Variants in OLFM2 observed in about 807,000 individuals in gnomAD.
OLFM2 encodes olfactomedin 2, also known as noelin-2.
A neutral mutation model predicts 43.9 loss-of-function variants in OLFM2; 20 were observed. That is an observed-to-expected ratio of 0.46 (90% CI 0.32 to 0.66). The LOEUF is 0.66. OLFM2 is among the 30% of genes least tolerant of loss of function. The probability of loss-of-function intolerance (pLI) is 0.04; values close to 1 mark genes in which losing one functional copy is unlikely to be tolerated. For synonymous variants in OLFM2, 268 were observed against 278.6 expected (o/e 0.96, Z 0.38); for missense variants, 416 against 643.6 (o/e 0.65, Z 3.83).
At chr19:9,918,427 G>A (rs1448651662) in intron 1 of OLFM2, among the ~76,000 whole-genome samples, 1 of 150,818 alleles carries the variant, frequency 6.6e-6, no homozygotes, top group African/African-American at 2.4e-5. Flanking sequence ...CTTGGGCTCA[G>A]GCAATCCACC....
Position 9,883,534 on chromosome 19 carries a change from G to A in OLFM2, c.64-22740C>T, listed in dbSNP as rs775478302. Among the ~76,000 whole-genome samples the A allele has an allele frequency of 3.9e-5, 6 of 152,202 alleles. No individual in the cohort carries two copies. The South Asian group carries it at 6.2e-4, about 16-fold the overall frequency. ...GCAGCTGCTCCCAGTCAAAGCTGCC[G>A]GAGAGAGGCCCGTGGCCCCCCAGCT... On this transcript the variant is annotated intron_variant, in intron 1 of 5. Coordinates refer to ENST00000264833, the MANE Select transcript of OLFM2 (RefSeq NM_058164.4).
intron 1 of OLFM2, among the ~76,000 whole-genome samples, chr19:9,925,216 C>T (rs1203631305): frequency 6.6e-6 from 1 of 152,046 alleles, no homozygotes; most frequent in Non-Finnish European, 1.5e-5. Context: ...TAGATCACAC[C>T]ACCGCACTCT....
chr19:9,927,333 C>T (rs958509157), intron 1 of OLFM2, among the ~76,000 whole-genome samples: 1 of 151,984 alleles, frequency 6.6e-6, no homozygotes, highest in Non-Finnish European at 1.5e-5. Flanking sequence ...ATCCTTAACC[C>T]AGCTTTCGAA....
intron 1 of OLFM2, among the ~76,000 whole-genome samples, chr19:9,878,086 A>G (rs1378303984): frequency 6.6e-6 from 1 of 152,146 alleles, no homozygotes; most frequent in Non-Finnish European, 1.5e-5. Context: ...CCTGGGCTCA[A>G]GCAACCCTTC....
At chr19:9,881,969 C>T (rs968125523) in intron 1 of OLFM2, among the ~76,000 whole-genome samples, 7 of 152,068 alleles carry the variant, frequency 4.6e-5, no homozygotes, top group African/African-American at 1.7e-4. Flanking sequence ...TGGTGGCTCA[C>T]GCCTATAATC....
At chr19:9,925,289 T>G (rs1254424625) in intron 1 of OLFM2, among the ~76,000 whole-genome samples, 2 of 152,056 alleles carry the variant, frequency 1.3e-5, no homozygotes, top group Non-Finnish European at 2.9e-5. Context: ...TATATATTAT[T>G]CAGTTGACAA....
At chr19:9,888,008 G>A (rs2046603119) in intron 1 of OLFM2, among the ~76,000 whole-genome samples, 1 of 151,866 alleles carries the variant, frequency 6.6e-6, no homozygotes, top group Non-Finnish European at 1.5e-5. Flanking sequence ...TCAAAGTAGA[G>A]TTCTCCCCAA....
chr19:9,859,942 G>A (rs966974046), intron 2 of OLFM2, among the ~76,000 whole-genome samples: 2 of 152,156 alleles, frequency 1.3e-5, no homozygotes, highest in African/African-American at 4.8e-5. Context: ...AGGAGTTCAA[G>A]ACCAGCATGA....
rs533259014 is a variant in OLFM2 at position 9,925,998 on chromosome 19, G to A, written c.63+10306C>T. On this transcript the variant is annotated intron_variant, in intron 1 of 5. Transcript: ENST00000264833. Reference sequence around the variant, plus strand: ...GAAAAAATTTAAGAATTAGCCAGCCGTGGTGGCATGCACCTGTAGTCCCAG... The same window carrying A: ...GAAAAAATTTAAGAATTAGCCAGCCATGGTGGCATGCACCTGTAGTCCCAG... Among the ~76,000 whole-genome samples, 15 of 151,896 alleles carry A rather than the reference G, an allele frequency of 9.9e-5. No individual in the cohort carries two copies. The South Asian group carries it at 1.9e-3, about 19-fold the overall frequency.
chr19:9,936,254 C>G (rs758109400), intron 1 of OLFM2, 50 bp downstream of exon 1: 128 of 1,521,986 alleles, frequency 8.4e-5, no homozygotes, highest in South Asian at 5.1e-4. Flanking sequence ...TCCGCGCCCC[C>G]CTCCTCTCCC....
rs34631855 is a variant in OLFM2 at position 9,856,753 on chromosome 19, C to T, written c.687+54G>A. 0.056 allele frequency: 81,678 copies of T among 1,461,562 alleles called. 2,699 individuals carry two copies. The highest frequency in any genetic ancestry group is 0.064 in the Non-Finnish European group (68,008 of 1,054,934). The allele number at this position is 1,461,562 out of a possible 1,614,324, so 90.5% of individuals were successfully genotyped here. On this transcript the variant is annotated intron_variant, in intron 5 of 5. Transcript: ENST00000264833. This position sits in a 1 kb window ranked among gnomAD's most constrained non-coding sequence, Gnocchi z 4.0. ...GACTCCCTAGGCACCTATGGGCAGT[C>T]AAAGGCTCTGTCCCTCCCAGGCCCT...
chr19:9,900,984 AAGGAAGGGAGGGAGGG>A (rs2046729152), intron 1 of OLFM2, among the ~76,000 whole-genome samples: 1 of 31,966 alleles, frequency 3.1e-5, no homozygotes, highest in African/African-American at 2.8e-4. Flanking sequence ...GGAAGGAAGG[AAGGAAGGGAGGGAGGG>A]GGGAGGGAGG....
intron 1 of OLFM2, among the ~76,000 whole-genome samples, chr19:9,907,717 A>G (rs1264768838): frequency 6.6e-6 from 1 of 151,862 alleles, no homozygotes; most frequent in Non-Finnish European, 1.5e-5. Flanking sequence ...AAAGAGACAG[A>G]TATAGGCCGG....
At chr19:9,899,833 A>C (rs2046715727) in intron 1 of OLFM2, among the ~76,000 whole-genome samples, 1 of 151,546 alleles carries the variant, frequency 6.6e-6, no homozygotes, top group Non-Finnish European at 1.5e-5. Context: ...GATTACATAT[A>C]TATGTGAGCC....
At position 9,856,575 on chromosome 19, in the gene OLFM2, G is replaced by A. The variant is rs886155722; in HGVS notation, c.687+232C>T. 2.0e-5 allele frequency among the ~76,000 whole-genome samples: 3 copies of A among 152,256 alleles called. No individual in the cohort carries two copies. Among genetic ancestry groups the A allele is most frequent in the Non-Finnish European group, 4.4e-5 (3 of 68,038 alleles). On this transcript the variant is annotated intron_variant, in intron 5 of 5. Coordinates refer to ENST00000264833, the MANE Select transcript of OLFM2 (RefSeq NM_058164.4). The surrounding 1 kb of genome is among the most constrained non-coding windows in gnomAD (Gnocchi z 4.0). ...CCTGAGAACTGGTCAGTAGAACTCA[G>A]TAACCATTAGCCACTATACAGACAC...
At chr19:9,913,983 G>A (rs1286557446) in intron 1 of OLFM2, 4 of 64,076 alleles carry the variant, frequency 6.2e-5, no homozygotes, top group Non-Finnish European at 1.2e-4. Context: ...GCCCCCCGCC[G>A]AGGACCTCTC....
chr19:9,913,448 C>T (rs1217837398), intron 1 of OLFM2: 3 of 1,034,938 alleles, frequency 2.9e-6, no homozygotes, highest in Non-Finnish European at 2.3e-6. Flanking sequence ...GGTACCACGC[C>T]CCCCGGGAGC....
chr19:9,854,637 G>A lies in OLFM2; in HGVS notation c.914C>T (p.Pro305Leu), dbSNP rs372605346. 27 of 1,614,032 alleles carry A rather than the reference G, an allele frequency of 1.7e-5. No individual in the cohort carries two copies. The highest frequency in any genetic ancestry group is 3.3e-5 in the Admixed American group (2 of 60,000). Residue 305 changes from proline (P) to leucine (L), a missense_variant, in exon 6 of 6, where the codon CCG (proline) becomes CTG (leucine). Pro to Leu is a moderately conservative substitution (Grantham distance 98). Transcript: ENST00000264833. This position sits in a 1 kb window ranked among gnomAD's most constrained non-coding sequence, Gnocchi z 9.5. ...SRSVLVQRSL[P>L]GAGYNNTFPY... Reference sequence around the variant, plus strand: ...GAAGGTGTTGTTGTAACCGGCGCCCGGGAGGCTCCTCTGCACCAGCACAGA... The same window carrying A: ...GAAGGTGTTGTTGTAACCGGCGCCCAGGAGGCTCCTCTGCACCAGCACAGA...
chr19:9,935,168 G>A (rs893365532), intron 1 of OLFM2, among the ~76,000 whole-genome samples: 1 of 152,128 alleles, frequency 6.6e-6, no homozygotes, highest in African/African-American at 2.4e-5. Flanking sequence ...GGAGGCAGAG[G>A]GGGTTAAATG....
Sources: gnomAD v4.1 joint callset for allele counts (sites outside exome capture counted in the v4.1 genomes callset) on GRCh38, gnomAD v4.1.1 for gene constraint, Gnocchi (gnomAD v3.1) non-coding constraint, MANE v1.5 for transcripts, NCBI Gene and HGNC (gene_info 2026-07-23, HGNC 2026-07-21) for gene names.